Variants in AHCY observed in about 807,000 individuals in gnomAD.
AHCY encodes S-adenosyl-L-homocysteine hydrolase.
In AHCY, 24 loss-of-function variants were observed where a neutral mutation model predicts 45.4. That is an observed-to-expected ratio of 0.53 (90% CI 0.38 to 0.74). The LOEUF is 0.74. Ranked by LOEUF, AHCY falls within the 30% of genes least tolerant of loss-of-function variation. The pLI is 0.00. For synonymous variants in AHCY, 245 were observed against 235.1 expected (o/e 1.04, Z -0.39); for missense variants, 449 against 594.1 (o/e 0.76, Z 2.54).
chr20:34,251,713 T>A, the AHCY span, among the ~76,000 whole-genome samples: 1 of 152,222 alleles, frequency 6.6e-6, no homozygotes, highest in East Asian at 1.9e-4. Flanking sequence ...GGTTATAGTG[T>A]AAGGAGGTGG....
chr20:34,292,276 T>C (rs556575639), intron 4 of AHCY, 82 bp downstream of exon 4: 2 of 1,518,424 alleles, frequency 1.3e-6, no homozygotes, highest in South Asian at 2.3e-5. Flanking sequence ...ATGGGAGTCC[T>C]GCCAGGCCTG....
chr20:34,253,115 T>A, the AHCY span, among the ~76,000 whole-genome samples: 8 of 152,092 alleles, frequency 5.3e-5, no homozygotes, highest in African/African-American at 1.2e-4. Context: ...CTTTTTTTTT[T>A]ATTTTTTTTT....
In AHCY at chr20:34,309,822, GAGAAA is replaced by G. The variant is rs537898685; in HGVS notation, c.-57+1645_-57+1649del. 3.6e-3 allele frequency among the ~76,000 whole-genome samples: 539 copies of G among 148,472 alleles called. 5 individuals are homozygous for G. The highest frequency in any genetic ancestry group is 3.0e-3 in the Non-Finnish European group (205 of 67,270). ...ATTAATTAATTAAAGAAAGAAAAAAGAGAAAAGAAAAGAGAGAGGAGGAGCAGGAC... is the reference window on the plus strand; with the variant it reads ...ATTAATTAATTAAAGAAAGAAAAAAGAGAAAAGAGAGAGGAGGAGCAGGAC... On this transcript the variant is annotated intron_variant, in intron 1 of 9. Coordinates refer to the AHCY transcript ENST00000538132.
chr20:34,278,221 T>C (rs548971540), downstream of AHCY, among the ~76,000 whole-genome samples: 4 of 152,166 alleles, frequency 2.6e-5, no homozygotes, highest in Non-Finnish European at 5.9e-5. Context: ...GGCTGTGTTT[T>C]CTGAAACAAA....
chr20:34,236,924 A>G, the AHCY span, among the ~76,000 whole-genome samples: 3 of 152,146 alleles, frequency 2.0e-5, no homozygotes, highest in Non-Finnish European at 4.4e-5. Context: ...TTTTGCATGT[A>G]GATATCCACT....
At chr20:34,264,864 C>T in the AHCY span, among the ~76,000 whole-genome samples, 1 of 140,956 alleles carries the variant, frequency 7.1e-6, no homozygotes, top group Non-Finnish European at 1.5e-5. Flanking sequence ...GGCACCATCT[C>T]GGCTCATTGC....
the AHCY span, among the ~76,000 whole-genome samples, chr20:34,269,523 C>A: frequency 1.3e-5 from 2 of 152,028 alleles, no homozygotes; most frequent in Non-Finnish European, 2.9e-5. Flanking sequence ...TGCCTTTAAA[C>A]CTGGGAACAC....
downstream of AHCY, among the ~76,000 whole-genome samples, chr20:34,278,381 G>A (rs1265544804): frequency 6.6e-6 from 1 of 152,198 alleles, no homozygotes; most frequent in Non-Finnish European, 1.5e-5. Flanking sequence ...TCCAGGAGGA[G>A]ACACGCTAGA....
chr20:34,281,267 G>A (rs1260074443), intron 9 of AHCY, 102 bp from the exon 10 acceptor site: 4 of 1,536,836 alleles, frequency 2.6e-6, no homozygotes, highest in Admixed American at 3.4e-5. Flanking sequence ...TAGGGTTTCT[G>A]CCATGTGTGG....
chr20:34,302,146 G>A (rs1601687272), intron 1 of AHCY, among the ~76,000 whole-genome samples: 3 of 152,012 alleles, frequency 2.0e-5, no homozygotes, highest in Admixed American at 6.5e-5. Context: ...GAATGAAGGC[G>A]CCCGCCACCA....
chr20:34,234,253 G>A, the AHCY span, among the ~76,000 whole-genome samples: 2 of 152,222 alleles, frequency 1.3e-5, no homozygotes, highest in Non-Finnish European at 2.9e-5. Context: ...ATGACCCAAA[G>A]TGAAGTGCCT....
At chr20:34,235,887 AAGG>A in the AHCY span, among the ~76,000 whole-genome samples, 1 of 103,206 alleles carries the variant, frequency 9.7e-6, no homozygotes, top group African/African-American at 5.1e-5. Context: ...GGAAGGAAGG[AAGG>A]AAGGAAGGAA....
intron 1 of AHCY, among the ~76,000 whole-genome samples, chr20:34,297,577 T>G (rs2036615911): frequency 1.3e-5 from 2 of 152,022 alleles, no homozygotes. Flanking sequence ...ATTACAGGTG[T>G]GAGCCACCAC....
rs1205008917 is a variant in AHCY, at chr20:34,285,588, G to C, written c.1019C>G (p.Ala340Gly). ...LKNGRRIILL[A>G]EGRLVNLGCA... ...ACCCAGGTTGACCAGCCGACCCTCG[G>C]CCAGCAGGATGATGCGGCGCCCATT... The change falls in exon 9 of 10, where the codon GCC becomes GGC. Residue 340 changes from alanine (A) to glycine (G), a missense_variant. Transcript: ENST00000217426. 24 of 1,614,090 alleles carry C rather than the reference G, an allele frequency of 1.5e-5. No homozygotes were observed. The highest frequency in any genetic ancestry group is 2.0e-5 in the Non-Finnish European group (24 of 1,180,020).
chr20:34,235,845 G>A, the AHCY span, among the ~76,000 whole-genome samples: 5 of 36,616 alleles, frequency 1.4e-4, no homozygotes, highest in African/African-American at 2.0e-3. Flanking sequence ...AAGAAAGAAG[G>A]AAGGAAGGAA....
intron 4 of AHCY, 27 bp from the exon 5 acceptor site, chr20:34,291,558 T>A: frequency 6.3e-7 from 1 of 1,586,826 alleles, no homozygotes; most frequent in Non-Finnish European, 8.7e-7. Flanking sequence ...AGGACAAGCC[T>A]CAGAGATGCC....
exon 1 of AHCY, chr20:34,311,508 G>C (rs1435102112): frequency 6.5e-6 from 1 of 152,810 alleles, no homozygotes; most frequent in African/African-American, 2.4e-5. Context: ...ATTAGGTCCT[G>C]GGCGCGGAGG....
upstream of AHCY, among the ~76,000 whole-genome samples, chr20:34,307,394 C>T (rs2036906921): frequency 2.6e-5 from 4 of 150,972 alleles, no homozygotes; most frequent in Non-Finnish European, 5.9e-5. Flanking sequence ...TTTTTTTTGT[C>T]GGAGTTTCGC....
At chr20:34,235,886 G>GA in the AHCY span, among the ~76,000 whole-genome samples, 36 of 111,250 alleles carry the variant, frequency 3.2e-4, no homozygotes, top group African/African-American at 2.3e-3. Context: ...AGGAAGGAAG[G>GA]AAGGAAGGAA....
Sources: allele counts gnomAD v4.1 joint callset (sites outside exome capture counted in the v4.1 genomes callset), GRCh38; gene constraint gnomAD v4.1.1; transcripts MANE v1.5; gene names NCBI Gene and HGNC (gene_info 2026-07-23, HGNC 2026-07-21).